Variants in ATXN7L1 observed in about 807,000 individuals in gnomAD.
The protein encoded by ATXN7L1 is ataxin 7 like 1.
ATXN7L1 carries 15 observed loss-of-function variants against 70.8 expected under a neutral mutation model. That is an observed-to-expected ratio of 0.21 (90% CI 0.14 to 0.33). The LOEUF is 0.33. ATXN7L1 is among the 10% of genes least tolerant of loss of function. The pLI is 1.00. For missense variants in ATXN7L1, 975 were observed against 1,097.1 expected (o/e 0.89, Z 1.57); for synonymous variants, 440 against 445.1 (o/e 0.99, Z 0.14).
chr7:105,787,373 A>G (rs1804461745), intron 3 of ATXN7L1, among the ~76,000 whole-genome samples: 1 of 152,158 alleles, frequency 6.6e-6, no homozygotes, highest in South Asian at 2.1e-4. Flanking sequence ...AGCGCTTTCT[A>G]GGGCCCTTGC....
At chr7:105,832,266 AT>A (rs1343925796) in intron 2 of ATXN7L1, among the ~76,000 whole-genome samples, 1 of 152,168 alleles carries the variant, frequency 6.6e-6, no homozygotes, top group African/African-American at 2.4e-5. Flanking sequence ...GGGAGTAGAA[AT>A]TGAGAATAGG....
intron 10 of ATXN7L1, among the ~76,000 whole-genome samples, chr7:105,611,225 C>A (rs1023258444): frequency 6.6e-6 from 1 of 152,230 alleles, no homozygotes; most frequent in African/African-American, 2.4e-5. Flanking sequence ...TGGGACTGTC[C>A]TTCACACAAT....
intron 4 of ATXN7L1, among the ~76,000 whole-genome samples, chr7:105,651,619 C>T (rs756985362): frequency 5.3e-5 from 8 of 152,158 alleles, no homozygotes; most frequent in South Asian, 2.1e-4. Flanking sequence ...AAAAGCAGAA[C>T]GAGGTGGGGC....
At chr7:105,770,032 G>C (rs1801770603) in intron 3 of ATXN7L1, among the ~76,000 whole-genome samples, 1 of 152,224 alleles carries the variant, frequency 6.6e-6, no homozygotes, top group Admixed American at 6.5e-5. Context: ...CTTTGTGCAG[G>C]CTTCACCAGA....
intron 3 of ATXN7L1, among the ~76,000 whole-genome samples, chr7:105,704,117 T>C (rs1255881901): frequency 6.6e-6 from 1 of 152,162 alleles, no homozygotes; most frequent in African/African-American, 2.4e-5. Context: ...CCAAACCACT[T>C]TAGGTTGGTC....
At chr7:105,644,623 C>T (rs1798725257) in intron 4 of ATXN7L1, among the ~76,000 whole-genome samples, 2 of 152,182 alleles carry the variant, frequency 1.3e-5, no homozygotes, top group Admixed American at 1.3e-4. Flanking sequence ...TGAAGAATGG[C>T]ACAAGAAACC....
rs758709043 is a variant in ATXN7L1 at position 105,822,667 on chromosome 7, G to T, written c.251-33959C>A. Reference sequence around the variant, plus strand: ...CTATGAGAAAGCCAGGGAAATTGTAGTATTTTTATTATCACTTTACAAATG... The same window carrying T: ...CTATGAGAAAGCCAGGGAAATTGTATTATTTTTATTATCACTTTACAAATG... On this transcript the variant is annotated intron_variant, in intron 2 of 11. Transcript: ENST00000419735. Among the ~76,000 whole-genome samples the T allele has an allele frequency of 3.3e-5, 5 of 152,174 alleles. No individual in the cohort carries two copies. The East Asian group carries it at 9.6e-4, about 29-fold the overall frequency.
intron 3 of ATXN7L1, among the ~76,000 whole-genome samples, chr7:105,784,040 C>A (rs971828952): frequency 2.6e-5 from 4 of 152,162 alleles, no homozygotes; most frequent in African/African-American, 9.7e-5. Flanking sequence ...TAGCTCACTG[C>A]AACCTCAACC....
intron 7 of ATXN7L1, among the ~76,000 whole-genome samples, chr7:105,636,452 C>A (rs1011061784): frequency 6.6e-6 from 1 of 150,602 alleles, no homozygotes; most frequent in Non-Finnish European, 1.5e-5. Flanking sequence ...CCTCTGCCCC[C>A]CCCACCCCCA....
At chr7:105,873,783 T>A (rs184268201) in intron 2 of ATXN7L1, among the ~76,000 whole-genome samples, 94 of 152,324 alleles carry the variant, frequency 6.2e-4, no homozygotes, top group African/African-American at 2.2e-3. Context: ...AAGCGGGATG[T>A]ACCACCTGTG....
chr7:105,708,162 T>G (rs1223886844), intron 3 of ATXN7L1, among the ~76,000 whole-genome samples: 1 of 152,160 alleles, frequency 6.6e-6, no homozygotes, highest in Non-Finnish European at 1.5e-5. Flanking sequence ...CACAGTGTCG[T>G]GGAGAACAGT....
chr7:105,738,132 A>G (rs1240691993), intron 3 of ATXN7L1, among the ~76,000 whole-genome samples: 3 of 152,212 alleles, frequency 2.0e-5, no homozygotes, highest in Non-Finnish European at 4.4e-5. Context: ...GAAAAGATAG[A>G]TTTAAAAGAT....
At chr7:105,861,449 G>T (rs1431692497) in intron 2 of ATXN7L1, among the ~76,000 whole-genome samples, 4 of 151,294 alleles carry the variant, frequency 2.6e-5, no homozygotes, top group Non-Finnish European at 5.9e-5. Flanking sequence ...GAGGTGCAGG[G>T]AATTGCTAAG....
intron 8 of ATXN7L1, 123 bp downstream of exon 8, chr7:105,623,952 C>T (rs567378214): frequency 2.2e-6 from 2 of 891,934 alleles, no homozygotes; most frequent in Non-Finnish European, 3.0e-6. Flanking sequence ...TCATGGTAAG[C>T]CTTTTTGTAA....
chr7:105,652,430 G>A (rs1040545864), intron 4 of ATXN7L1, among the ~76,000 whole-genome samples: 9 of 152,206 alleles, frequency 5.9e-5, no homozygotes, highest in African/African-American at 2.2e-4. Flanking sequence ...TCTGCAGGGA[G>A]CGCTGGTGCA....
chr7:105,800,894 G>T (rs367718690), intron 2 of ATXN7L1, among the ~76,000 whole-genome samples: 1 of 152,184 alleles, frequency 6.6e-6, no homozygotes, highest in East Asian at 1.9e-4. Flanking sequence ...ATTTTAGCCT[G>T]AATTCGCTAA....
chr7:105,634,629 T>A (rs766686249), intron 7 of ATXN7L1, among the ~76,000 whole-genome samples: 17 of 152,110 alleles, frequency 1.1e-4, no homozygotes, highest in Non-Finnish European at 2.4e-4. Context: ...ATATTGGGAT[T>A]ACATACGTGA....
intron 3 of ATXN7L1, among the ~76,000 whole-genome samples, chr7:105,721,452 T>A (rs1795174096): frequency 6.6e-6 from 1 of 152,192 alleles, no homozygotes; most frequent in Non-Finnish European, 1.5e-5. Context: ...ATCACGGTGT[T>A]CTGAGGCTCC....
chr7:105,680,154 T>C (rs563783169), intron 3 of ATXN7L1, among the ~76,000 whole-genome samples: 2 of 152,270 alleles, frequency 1.3e-5, no homozygotes, highest in African/African-American at 4.8e-5. Context: ...CTGGAGAATT[T>C]TGGACTGTGG....
Sources: allele counts gnomAD v4.1 joint callset (sites outside exome capture counted in the v4.1 genomes callset), GRCh38; gene constraint gnomAD v4.1.1; transcripts MANE v1.5; gene names NCBI Gene and HGNC (gene_info 2026-07-23, HGNC 2026-07-21).